Variants in MLLT1 observed in about 807,000 individuals in gnomAD.
MLLT1 encodes the protein protein ENL.
Under a neutral mutation model 55.1 loss-of-function variants are expected in MLLT1, and 11 were observed. That is an observed-to-expected ratio of 0.20 (90% CI 0.13 to 0.33). MLLT1 has a LOEUF of 0.33. Ranked by LOEUF, MLLT1 falls within the 10% of genes least tolerant of loss-of-function variation. MLLT1 has a pLI of 1.00. For synonymous variants in MLLT1, 323 were observed against 320.1 expected (o/e 1.01, Z -0.10); for missense variants, 536 against 760.6 (o/e 0.70, Z 3.47).
intron 3 of MLLT1, among the ~76,000 whole-genome samples, chr19:6,257,572 A>G (rs1281707770): frequency 1.3e-5 from 2 of 152,232 alleles, no homozygotes; most frequent in African/African-American, 4.8e-5. Context: ...AGGCCAAGAC[A>G]GATGGATCAC....
At position 6,213,807 on chromosome 19, in the gene MLLT1, A is replaced by T; in HGVS notation, c.1408-10T>A. The T allele has an allele frequency of 6.2e-7, 1 of 1,612,866 alleles. No homozygotes were observed. Among genetic ancestry groups the T allele is most frequent in the Non-Finnish European group, 8.5e-7 (1 of 1,179,214 alleles). The stretch of plus-strand genomic sequence containing the variant: ...TCCTCCGGCCTGACACCTGCAGGGA[A>T]CCCAGGTCTCTGCTGAGCTGTGGCC... On this transcript the variant is annotated splice_polypyrimidine_tract_variant and intron_variant, in intron 9 of 11. Coordinates refer to ENST00000252674, the MANE Select transcript of MLLT1 (RefSeq NM_005934.4).
Position 6,240,707 on chromosome 19 carries a change from G to A in MLLT1, c.277-9994C>T, listed in dbSNP as rs1404074724. ...AGGGAGAGACTGGACCCCACACTCA[G>A]CTACGAACCTCCCGAGACAGCAGGA... On this transcript the variant is annotated intron_variant, in intron 3 of 11. Coordinates refer to ENST00000252674, the MANE Select transcript of MLLT1 (RefSeq NM_005934.4). The surrounding 1 kb of genome is among the most constrained non-coding windows in gnomAD (Gnocchi z 4.7). Among the ~76,000 whole-genome samples, 10 of 152,118 alleles carry A rather than the reference G, an allele frequency of 6.6e-5. No homozygotes were observed. Among genetic ancestry groups the A allele is most frequent in the Non-Finnish European group, 1.2e-4 (8 of 68,022 alleles).
At position 6,240,711 on chromosome 19, in the gene MLLT1, C is replaced by T. The variant is rs1000178917; in HGVS notation, c.277-9998G>A. ...AGAGACTGGACCCCACACTCAGCTA[C>T]GAACCTCCCGAGACAGCAGGAGAAT... On this transcript the variant is annotated intron_variant, in intron 3 of 11. Coordinates refer to ENST00000252674, the MANE Select transcript of MLLT1 (RefSeq NM_005934.4). This position sits in a 1 kb window ranked among gnomAD's most constrained non-coding sequence, Gnocchi z 4.7. Among the ~76,000 whole-genome samples, 36 of 152,162 alleles carry T rather than the reference C, an allele frequency of 2.4e-4. No individual in the cohort carries two copies. The highest frequency in any genetic ancestry group is 7.2e-4 in the African/African-American group (30 of 41,520).
chr19:6,262,126 G>A lies in MLLT1; in HGVS notation c.276+102C>T. 1 of 869,612 alleles carries A rather than the reference G, an allele frequency of 1.1e-6. No individual in the cohort carries two copies. The highest frequency in any genetic ancestry group is 1.9e-6 in the Non-Finnish European group (1 of 522,080). 53.9% of individuals were successfully genotyped at this position (869,612 alleles called of 1,614,324 possible). A position where few individuals can be genotyped will look rare whatever the true frequency, so the allele number is the denominator to read the frequency against. ...AGCACTCACTGGAATGTCTGTGCAT[G>A]GGCAGCGGCCAGTTCTCTGGCCTGT... is the stretch of plus-strand genomic sequence containing the variant. On this transcript the variant is annotated intron_variant, in intron 3 of 11. Transcript: ENST00000252674. The surrounding 1 kb of genome is among the most constrained non-coding windows in gnomAD (Gnocchi z 4.4).
At chr19:6,277,220 A>T (rs901768927) in intron 1 of MLLT1, among the ~76,000 whole-genome samples, 6 of 152,162 alleles carry the variant, frequency 3.9e-5, no homozygotes, top group African/African-American at 1.4e-4. Flanking sequence ...AAGGGACAGA[A>T]CCCTTGGGCC....
At chr19:6,247,755 C>T (rs1160786811) in intron 3 of MLLT1, among the ~76,000 whole-genome samples, 1 of 152,152 alleles carries the variant, frequency 6.6e-6, no homozygotes, top group Non-Finnish European at 1.5e-5. Flanking sequence ...CAAATGTCTG[C>T]ATTATTCTTA....
chr19:6,261,620 G>A (rs989087490), intron 3 of MLLT1, among the ~76,000 whole-genome samples: 5 of 146,308 alleles, frequency 3.4e-5, no homozygotes, highest in Admixed American at 6.9e-5. Flanking sequence ...GGCAGGCTCT[G>A]AGTTGTTTTA....
rs61454427 is a variant in MLLT1 at position 6,270,307 on chromosome 19, A to C, written c.193+272T>G. On this transcript the variant is annotated intron_variant, in intron 2 of 11. Coordinates refer to ENST00000252674, the MANE Select transcript of MLLT1 (RefSeq NM_005934.4). The surrounding 1 kb of genome is among the most constrained non-coding windows in gnomAD (Gnocchi z 7.1). ...CCGGCTGACTTCACCTGTCCCACCC[A>C]TGCCAACCTGGCTGTGCTCCCTGGC... Among the ~76,000 whole-genome samples the C allele has an allele frequency of 6.6e-5, 10 of 152,046 alleles. No individual in the cohort carries two copies. Among genetic ancestry groups the C allele is most frequent in the African/African-American group, 2.4e-4 (10 of 41,456 alleles).
At position 6,222,749 on chromosome 19, in the gene MLLT1, TG is replaced by T; in HGVS notation, c.547-66del. On this transcript the variant is annotated intron_variant, in intron 5 of 11. Transcript: ENST00000252674. The surrounding 1 kb of genome is among the most constrained non-coding windows in gnomAD (Gnocchi z 4.1). ...GGTCACGTGGCATTGCGGGGCGCCC[TG>T]CTCCGCCACCCCTGACCCCTACAAA... is the stretch of plus-strand genomic sequence containing the variant. The T allele has an allele frequency of 7.3e-7, 1 of 1,368,976 alleles. No individual in the cohort carries two copies. The highest frequency in any genetic ancestry group is 2.4e-5 in the East Asian group (1 of 40,888). 84.8% of individuals were successfully genotyped at this position (1,368,976 alleles called of 1,614,324 possible).
At chr19:6,234,618 G>A (rs2091042711) in intron 3 of MLLT1, among the ~76,000 whole-genome samples, 2 of 152,040 alleles carry the variant, frequency 1.3e-5, no homozygotes, top group Non-Finnish European at 2.9e-5. Flanking sequence ...CAGAGACGTG[G>A]GCAGCCACAC....
intron 2 of MLLT1, among the ~76,000 whole-genome samples, chr19:6,268,009 C>A (rs905645577): frequency 1.3e-5 from 2 of 151,528 alleles, no homozygotes; most frequent in African/African-American, 4.8e-5. Context: ...AAACCTCTGA[C>A]TTGGGGTGGG....
Position 6,212,656 on chromosome 19 carries a change from C to CA in MLLT1, c.*385dup, listed in dbSNP as rs1260995844. 1.8e-6 allele frequency: 2 copies of CA among 1,110,190 alleles called. No homozygotes were observed. Among genetic ancestry groups the CA allele is most frequent in the Non-Finnish European group, 2.2e-6 (2 of 909,508 alleles). 68.8% of individuals were successfully genotyped at this position (1,110,190 alleles called of 1,614,324 possible). On this transcript the variant is annotated 3_prime_UTR_variant, in exon 12 of 12. Transcript: ENST00000252674. ...CATTCGGGAGGCTGGAGATGCCCCC[C>CA]AGCCGTCGATCCGCTGCTCAGAAAG... is the stretch of plus-strand genomic sequence containing the variant.
Position 6,213,354 on chromosome 19 carries a change from G to A in MLLT1, c.1534C>T (p.Arg512Cys), listed in dbSNP as rs755571846. The change falls in exon 11 of 12, where the codon CGC becomes TGC. Residue 512 changes from arginine (R) to cysteine (C), a missense_variant. Around this residue, in one of 3 missense-constraint regions of MLLT1, gnomAD observed 25 missense variants for 75.8 expected, o/e 0.33. Transcript: ENST00000252674. ...GGCGATACCTGCTGCAGCACGTTGC[G>A]CTCCCGCAGCGCCATCAGCCTCCGG... ...LHRRLMALRE[R>C]NVLQQIVNLI... 3.1e-6 allele frequency: 5 copies of A among 1,612,144 alleles called. No individual in the cohort carries two copies. Among genetic ancestry groups the A allele is most frequent in the African/African-American group, 1.3e-5 (1 of 75,046 alleles).
intron 4 of MLLT1, among the ~76,000 whole-genome samples, chr19:6,228,408 G>C (rs2090973880): frequency 6.6e-6 from 1 of 152,174 alleles, no homozygotes; most frequent in African/African-American, 2.4e-5. Flanking sequence ...AAGGAACTGG[G>C]AACTGAACAC....
At position 6,226,937 on chromosome 19, in the gene MLLT1, C is replaced by T. The variant is rs1405654528; in HGVS notation, c.546+40G>A. On this transcript the variant is annotated intron_variant, in intron 5 of 11. Coordinates refer to ENST00000252674, the MANE Select transcript of MLLT1 (RefSeq NM_005934.4). This position sits in a 1 kb window ranked among gnomAD's most constrained non-coding sequence, Gnocchi z 6.3. Reference sequence around the variant, plus strand: ...GGGGCCAGACCCACCACAGCTGGGCCCCGGCGCTCCCACGCGACTGGGCCT... The same window carrying T: ...GGGGCCAGACCCACCACAGCTGGGCTCCGGCGCTCCCACGCGACTGGGCCT... The T allele has an allele frequency of 2.6e-6, 4 of 1,512,422 alleles. No individual in the cohort carries two copies. Among genetic ancestry groups the T allele is most frequent in the Non-Finnish European group, 3.5e-6 (4 of 1,131,430 alleles). The allele number at this position is 1,512,422 out of a possible 1,614,324, so 93.7% of individuals were successfully genotyped here.
rs1331140088 is a variant in MLLT1 at position 6,222,379 on chromosome 19, G to A, written c.852C>T (p.Ser284=). 1 of 947,402 alleles carries A rather than the reference G, an allele frequency of 1.1e-6. No individual in the cohort carries two copies. The highest frequency in any genetic ancestry group is 1.4e-6 in the Non-Finnish European group (1 of 722,230). The allele number at this position is 947,402 out of a possible 1,614,324, so 58.7% of individuals were successfully genotyped here. A position where few individuals can be genotyped will look rare whatever the true frequency, so the allele number is the denominator to read the frequency against. ...GCGAGTCGGCGGTGGCCGGCCGCTT[G>A]CTGGAAGCCCGGGGTGGGGGTGGGG... is the stretch of plus-strand genomic sequence containing the variant. ...PPPPPPPRAS[S]KRPATADSPK... is the part of the protein sequence containing the mutation. Residue 284 remains serine, a synonymous_variant, in exon 6 of 12, where the codon AGC becomes AGT. Transcript: ENST00000252674. The surrounding 1 kb of genome is among the most constrained non-coding windows in gnomAD (Gnocchi z 4.1).
intron 6 of MLLT1, among the ~76,000 whole-genome samples, chr19:6,220,597 C>T (rs1245689451): frequency 6.6e-6 from 1 of 152,234 alleles, no homozygotes; most frequent in African/African-American, 2.4e-5. Flanking sequence ...GGGGCCAGGC[C>T]GGGTGAGCAG....
intron 2 of MLLT1, among the ~76,000 whole-genome samples, chr19:6,268,728 G>A (rs527489860): frequency 6.6e-5 from 10 of 152,256 alleles, no homozygotes; most frequent in African/African-American, 2.4e-4. Flanking sequence ...AACAAACAGG[G>A]CTCAGCTACT....
chr19:6,225,326 C>T (rs1200813990), intron 5 of MLLT1, among the ~76,000 whole-genome samples: 1 of 152,234 alleles, frequency 6.6e-6, no homozygotes, highest in African/African-American at 2.4e-5. Context: ...GCCCACCTAT[C>T]CCATCTCTCT....
Sources: allele counts gnomAD v4.1 joint callset (sites outside exome capture counted in the v4.1 genomes callset), GRCh38; gene constraint gnomAD v4.1.1; regional missense constraint gnomAD v4.1.1; non-coding constraint Gnocchi (gnomAD v3.1); transcripts MANE v1.5; gene names NCBI Gene and HGNC (gene_info 2026-07-23, HGNC 2026-07-21).